The following KCNIP4 variants were observed in gnomAD, a reference collection of about 807,000 sequenced individuals.
The protein encoded by KCNIP4 is potassium voltage-gated channel interacting protein 4.
In KCNIP4, 12 loss-of-function variants were observed where a neutral mutation model predicts 34.0. The ratio of observed to expected loss-of-function variants is 0.35; its 90% CI spans 0.23 to 0.57. The LOEUF is 0.57. KCNIP4 is among the 20% of genes least tolerant of loss of function. KCNIP4 has a pLI of 0.83. For missense variants in KCNIP4, 238 were observed against 311.7 expected, an observed-to-expected ratio of 0.76 and a Z score of 1.78; for synonymous variants, 124 against 102.2, an observed-to-expected ratio of 1.21 and a Z score of -1.29.
chr4:21,013,006 T>C (rs1019372950), intron 1 of KCNIP4, among the ~76,000 whole-genome samples: 3 of 152,276 alleles, frequency 2.0e-5, no homozygotes, highest in East Asian at 3.9e-4. Flanking sequence ...CCAAAGGCAA[T>C]GAGCACAGAG....
intron 1 of KCNIP4, among the ~76,000 whole-genome samples, chr4:21,730,487 T>TG (rs915009524): frequency 4.6e-5 from 7 of 152,148 alleles, no homozygotes; most frequent in Non-Finnish European, 7.3e-5. Context: ...GGGCTGGTTC[T>TG]GGCAAAGCAC....
intron 1 of KCNIP4, among the ~76,000 whole-genome samples, chr4:21,125,423 G>T (rs1368345949): frequency 1.3e-5 from 2 of 151,782 alleles, no homozygotes; most frequent in Non-Finnish European, 2.9e-5. Context: ...CACCATGTTG[G>T]CCAGGCTGGT....
At chr4:20,782,548 G>T (rs1274486950) in intron 3 of KCNIP4, among the ~76,000 whole-genome samples, 1 of 152,166 alleles carries the variant, frequency 6.6e-6, no homozygotes, top group African/African-American at 2.4e-5. Flanking sequence ...AGGGCTTAGG[G>T]CTTGCACCCT....
chr4:21,131,845 A>T (rs895975083), intron 1 of KCNIP4, among the ~76,000 whole-genome samples: 1 of 152,272 alleles, frequency 6.6e-6, no homozygotes, highest in African/African-American at 2.4e-5. Flanking sequence ...AATATGATAG[A>T]TTTGTATTTA....
chr4:20,863,346 C>T (rs763836291), intron 2 of KCNIP4, among the ~76,000 whole-genome samples: 7 of 151,968 alleles, frequency 4.6e-5, no homozygotes, highest in Non-Finnish European at 7.4e-5. Context: ...CTCAGATTAT[C>T]GGTCTAGGTG....
At chr4:21,747,314 T>C (rs1429338471) in intron 1 of KCNIP4, among the ~76,000 whole-genome samples, 1 of 152,162 alleles carries the variant, frequency 6.6e-6, no homozygotes, top group Non-Finnish European at 1.5e-5. Context: ...GATCATTCTC[T>C]GTTCAGCTTT....
intron 1 of KCNIP4, among the ~76,000 whole-genome samples, chr4:21,074,203 G>A (rs1344557804): frequency 6.6e-6 from 1 of 152,176 alleles, no homozygotes; most frequent in African/African-American, 2.4e-5. Context: ...AATAGTTTCA[G>A]AAGGAATGGT....
At chr4:21,826,805 T>C (rs967308610) in intron 1 of KCNIP4, among the ~76,000 whole-genome samples, 2 of 152,068 alleles carry the variant, frequency 1.3e-5, no homozygotes. Context: ...CATCTACATA[T>C]GCAAACTGAA....
intron 1 of KCNIP4, among the ~76,000 whole-genome samples, chr4:21,252,213 C>T (rs1322060413): frequency 1.3e-5 from 2 of 150,472 alleles, no homozygotes. Context: ...CTGCAATCTC[C>T]GCCTCCCGAG....
chr4:20,873,344 G>C (rs1327486357), intron 2 of KCNIP4, among the ~76,000 whole-genome samples: 2 of 152,194 alleles, frequency 1.3e-5, no homozygotes, highest in Non-Finnish European at 2.9e-5. Context: ...TAAATATTAA[G>C]AGTAATTGTT....
chr4:21,688,313 A>G (rs938045972), intron 1 of KCNIP4, among the ~76,000 whole-genome samples: 1 of 152,156 alleles, frequency 6.6e-6, no homozygotes, highest in Non-Finnish European at 1.5e-5. Context: ...TCAGATTTTC[A>G]AATTAGGAAT....
intron 1 of KCNIP4, among the ~76,000 whole-genome samples, chr4:21,048,211 A>C (rs1474040113): frequency 1.3e-5 from 2 of 152,210 alleles, no homozygotes; most frequent in Non-Finnish European, 2.9e-5. Context: ...TATCATAATA[A>C]ATTTTTTTGT....
chr4:20,959,565 CTG>C (rs960986145), intron 1 of KCNIP4, among the ~76,000 whole-genome samples: 3 of 152,182 alleles, frequency 2.0e-5, no homozygotes, highest in African/African-American at 7.2e-5. Context: ...ACTTGGAAAA[CTG>C]TTAATCATCC....
intron 1 of KCNIP4, among the ~76,000 whole-genome samples, chr4:21,653,763 T>C (rs1256517280): frequency 1.3e-5 from 2 of 152,184 alleles, no homozygotes; most frequent in African/African-American, 2.4e-5. Context: ...ATAAGCACAG[T>C]AAAGGATTAG....
intron 1 of KCNIP4, among the ~76,000 whole-genome samples, chr4:21,736,033 G>T (rs915121083): frequency 4.6e-5 from 7 of 152,188 alleles, no homozygotes; most frequent in African/African-American, 1.7e-4. Context: ...GGTTAAAGCT[G>T]TTAGAGACGG....
At chr4:21,845,433 A>G (rs905186893) in intron 1 of KCNIP4, 6 of 152,140 alleles carry the variant, frequency 3.9e-5, no homozygotes, top group African/African-American at 1.4e-4. Context: ...AATCGTTCCA[A>G]GTATACAGGC....
intron 1 of KCNIP4, among the ~76,000 whole-genome samples, chr4:21,502,702 T>C (rs1733470194): frequency 6.6e-6 from 1 of 152,122 alleles, no homozygotes; most frequent in Admixed American, 6.6e-5. Context: ...TCAGAAATGT[T>C]AATTTTCCGT....
intron 1 of KCNIP4, among the ~76,000 whole-genome samples, chr4:21,495,743 A>G (rs1278218556): frequency 6.6e-6 from 1 of 152,118 alleles, no homozygotes; most frequent in Non-Finnish European, 1.5e-5. Flanking sequence ...TGCATTCTCT[A>G]TTTCTTCCAC....
chr4:21,003,398 T>C (rs1292842706), intron 1 of KCNIP4, among the ~76,000 whole-genome samples: 1 of 152,234 alleles, frequency 6.6e-6, no homozygotes, highest in Admixed American at 6.5e-5. Context: ...GCAATTACTT[T>C]GAATACATTT....
Sources: gnomAD v4.1 joint callset for allele counts (sites outside exome capture counted in the v4.1 genomes callset) on GRCh38, gnomAD v4.1.1 for gene constraint, MANE v1.5 for transcripts, NCBI Gene and HGNC (gene_info 2026-07-23, HGNC 2026-07-21) for gene names.